The following LRRC20 variants were observed in gnomAD, a reference collection of about 807,000 sequenced individuals.
LRRC20 encodes leucine-rich repeat-containing protein 20.
LRRC20 carries 11 observed loss-of-function variants against 14.4 expected under a neutral mutation model. That is an observed-to-expected ratio of 0.77 (90% CI 0.48 to 1.27). LRRC20 has a LOEUF of 1.27. LRRC20 is among the 50% of genes most tolerant of loss of function. The probability of loss-of-function intolerance (pLI) is 0.00; values close to 1 mark genes in which losing one functional copy is unlikely to be tolerated. For synonymous variants in LRRC20, 121 were observed against 107.3 expected (o/e 1.13, Z -0.79); for missense variants, 219 against 251.2 (o/e 0.87, Z 0.87).
At chr10:70,333,661 G>C (rs2136989948) in intron 3 of LRRC20, among the ~76,000 whole-genome samples, 1 of 152,342 alleles carries the variant, frequency 6.6e-6, no homozygotes, top group South Asian at 2.1e-4. Flanking sequence ...CATCCAGGTA[G>C]CTCCAGGGGT....
At chr10:70,314,935 T>G (rs1011656654) in intron 4 of LRRC20, among the ~76,000 whole-genome samples, 4 of 152,192 alleles carry the variant, frequency 2.6e-5, no homozygotes, top group Non-Finnish European at 5.9e-5. Context: ...CCTAGAGCTA[T>G]GGGCAAAAAT....
At position 70,339,647 on chromosome 10, in the gene LRRC20, G is replaced by A. The variant is rs183505290; in HGVS notation, c.232+906C>T. On this transcript the variant is annotated intron_variant, in intron 3 of 4. Transcript: ENST00000446961. ...GGTCACTGAGCAGCAGTGACCTCTC[G>A]TAGAAGGATGGAGAGACTGCTCTCT... 3.7e-4 allele frequency among the ~76,000 whole-genome samples: 56 copies of A among 152,210 alleles called. No homozygotes were observed. In the South Asian group the frequency reaches 3.9e-3, roughly 11 times the overall value.
At chr10:70,320,982 C>A (rs1297769418) in intron 4 of LRRC20, among the ~76,000 whole-genome samples, 1 of 152,154 alleles carries the variant, frequency 6.6e-6, no homozygotes, top group Admixed American at 6.5e-5. Context: ...ATGCTGAGAG[C>A]CTCCCCGTCT....
intron 4 of LRRC20, among the ~76,000 whole-genome samples, chr10:70,316,114 T>C (rs1841843221): frequency 6.6e-6 from 1 of 152,178 alleles, no homozygotes; most frequent in Admixed American, 6.5e-5. Context: ...TTGTTGCGTT[T>C]TATTTTTTAA....
chr10:70,325,081 T>A (rs1842267655), intron 3 of LRRC20, among the ~76,000 whole-genome samples: 1 of 152,028 alleles, frequency 6.6e-6, no homozygotes. Flanking sequence ...CCCCACCCTG[T>A]CTGACCCGAG....
chr10:70,331,470 A>G (rs2136980844), intron 3 of LRRC20, among the ~76,000 whole-genome samples: 1 of 152,198 alleles, frequency 6.6e-6, no homozygotes, highest in East Asian at 1.9e-4. Flanking sequence ...GTGTGGCCAA[A>G]GCCCCAGCCA....
chr10:70,362,456 G>A (rs568737840), intron 2 of LRRC20, among the ~76,000 whole-genome samples: 11 of 152,362 alleles, frequency 7.2e-5, no homozygotes, highest in Admixed American at 3.9e-4. Flanking sequence ...AGAAGAAGCC[G>A]ATGAGGGTTT....
At chr10:70,342,952 C>T (rs1842968330) in intron 2 of LRRC20, among the ~76,000 whole-genome samples, 1 of 152,180 alleles carries the variant, frequency 6.6e-6, no homozygotes, top group South Asian at 2.1e-4. Context: ...TTGACGATTG[C>T]TCCAAAATAA....
At chr10:70,308,348 C>G (rs1299216531) in intron 4 of LRRC20, among the ~76,000 whole-genome samples, 1 of 152,108 alleles carries the variant, frequency 6.6e-6, no homozygotes, top group African/African-American at 2.4e-5. Flanking sequence ...AGGCTGACAC[C>G]GAGACGGAGA....
At chr10:70,346,202 A>C (rs1843067911) in intron 2 of LRRC20, among the ~76,000 whole-genome samples, 1 of 152,068 alleles carries the variant, frequency 6.6e-6, no homozygotes, top group African/African-American at 2.4e-5. Flanking sequence ...GTATCACTGC[A>C]CTCCAGCCTA....
rs146434594 is a variant in LRRC20 at position 70,353,685 on chromosome 10, T to C, written c.83-12983A>G. On this transcript the variant is annotated intron_variant, in intron 2 of 4. Transcript: ENST00000446961. ...CATGAGATGGGCACTATTATTACTA[T>C]TCCTGTTGTACAGAGGAGGAATCAA... is the stretch of plus-strand genomic sequence containing the variant. 2.8e-3 allele frequency among the ~76,000 whole-genome samples: 419 copies of C among 152,316 alleles called. 3 individuals are homozygous for C. The highest frequency in any genetic ancestry group is 9.4e-3 in the African/African-American group (391 of 41,564).
Position 70,299,589 on chromosome 10 carries a change from T to C in LRRC20, c.*1765A>G, listed in dbSNP as rs1589923697. On this transcript the variant is annotated 3_prime_UTR_variant, in exon 5 of 5. Transcript: ENST00000446961. ...GACCACACTTTGAGTTGCAAGGCTC[T>C]GGTCATACATTGTGTTTGTGCACAT... The C allele has an allele frequency of 6.6e-6, 1 of 152,308 alleles. No individual in the cohort carries two copies. Among genetic ancestry groups the C allele is most frequent in the East Asian group, 1.9e-4 (1 of 5,202 alleles). The allele number at this position is 152,308 out of a possible 1,614,324, so 9.4% of individuals were successfully genotyped here.
intron 3 of LRRC20, among the ~76,000 whole-genome samples, chr10:70,339,262 G>T (rs1224076743): frequency 1.3e-5 from 2 of 152,208 alleles, no homozygotes; most frequent in African/African-American, 4.8e-5. Flanking sequence ...AAGTCTCAAG[G>T]GCACTGCTAT....
chr10:70,317,759 G>A (rs1841920438), intron 4 of LRRC20, among the ~76,000 whole-genome samples: 1 of 152,176 alleles, frequency 6.6e-6, no homozygotes, highest in Non-Finnish European at 1.5e-5. Flanking sequence ...TTGTGACCAT[G>A]GTTCAATCTG....
At chr10:70,352,364 T>C (rs1843345058) in intron 2 of LRRC20, among the ~76,000 whole-genome samples, 1 of 152,220 alleles carries the variant, frequency 6.6e-6, no homozygotes, top group African/African-American at 2.4e-5. Flanking sequence ...TTTAGGTATA[T>C]TGTGCTAAGT....
intron 1 of LRRC20, 152 bp downstream of exon 1, chr10:70,382,397 G>C (rs1844741944): frequency 6.6e-6 from 1 of 152,340 alleles, no homozygotes. Flanking sequence ...TTTCCACCGG[G>C]TGACCTGGGG....
intron 1 of LRRC20, among the ~76,000 whole-genome samples, chr10:70,381,187 C>A (rs1473594186): frequency 6.6e-6 from 1 of 152,220 alleles, no homozygotes; most frequent in Non-Finnish European, 1.5e-5. Flanking sequence ...AATGGAAATA[C>A]CACCTTCCTC....
At chr10:70,339,004 G>A (rs1351373178) in intron 3 of LRRC20, among the ~76,000 whole-genome samples, 1 of 152,178 alleles carries the variant, frequency 6.6e-6, no homozygotes, top group Non-Finnish European at 1.5e-5. Context: ...ATACGTAGGA[G>A]GGGAGTGACT....
In LRRC20 at chr10:70,327,373, G is replaced by A. The variant is rs192721421; in HGVS notation, c.233-3343C>T. Among the ~76,000 whole-genome samples the A allele has an allele frequency of 6.2e-3, 947 of 151,966 alleles. 5 individuals carry two copies. Among genetic ancestry groups the A allele is most frequent in the Non-Finnish European group, 0.01 (696 of 67,996 alleles). On this transcript the variant is annotated intron_variant, in intron 3 of 4. Transcript: ENST00000446961. ...ACGGATCACTTGAGATCAAGAGTTC[G>A]AGACCAGCCTGGCCAACATGGTGAA...
Sources: gnomAD v4.1 joint callset for allele counts (sites outside exome capture counted in the v4.1 genomes callset) on GRCh38, gnomAD v4.1.1 for gene constraint, MANE v1.5 for transcripts, NCBI Gene and HGNC (gene_info 2026-07-23, HGNC 2026-07-21) for gene names.